HS3ST4: variants seen among roughly 807,000 people sequenced by gnomAD.
The protein encoded by HS3ST4 is heparan sulfate glucosamine 3-O-sulfotransferase 4.
Under a neutral mutation model 29.2 loss-of-function variants are expected in HS3ST4, and 17 were observed. The observed-to-expected ratio is 0.58, with a 90% CI of 0.40 to 0.87. The LOEUF (loss-of-function observed/expected upper bound fraction) is 0.87. HS3ST4 is among the 40% of genes least tolerant of loss of function. The pLI, the probability that HS3ST4 is intolerant of heterozygous loss-of-function variation, is 0.00. For missense variants in HS3ST4, 627 were observed against 634.5 expected, an observed-to-expected ratio of 0.99 and a Z score of 0.13; for synonymous variants, 314 against 285.7, an observed-to-expected ratio of 1.10 and a Z score of -1.00.
intron 1 of HS3ST4, among the ~76,000 whole-genome samples, chr16:25,991,493 AAT>A (rs990566775): frequency 9.9e-5 from 15 of 152,222 alleles, no homozygotes; most frequent in African/African-American, 3.6e-4. Context: ...CTCTTGAGGA[AAT>A]AGTGAGGATT....
At chr16:25,917,655 G>A (rs1968305968) in intron 1 of HS3ST4, among the ~76,000 whole-genome samples, 1 of 152,132 alleles carries the variant, frequency 6.6e-6, no homozygotes, top group African/African-American at 2.4e-5. Flanking sequence ...ATGAATTTGA[G>A]TATCCTTACA....
chr16:25,899,983 A>C (rs4477709), intron 1 of HS3ST4, among the ~76,000 whole-genome samples: 31,223 of 152,140 alleles, frequency 0.21, 3,419 homozygotes, highest in Admixed American at 0.27. Flanking sequence ...TGGGACCAGC[A>C]ACTTTCAAAT....
chr16:25,758,401 C>G (rs1286361458), intron 1 of HS3ST4, among the ~76,000 whole-genome samples: 1 of 152,156 alleles, frequency 6.6e-6, no homozygotes, highest in Non-Finnish European at 1.5e-5. Flanking sequence ...AACCCATTGT[C>G]AGGACTGTTG....
chr16:25,940,500 G>A (rs530142846), intron 1 of HS3ST4, among the ~76,000 whole-genome samples: 58 of 152,274 alleles, frequency 3.8e-4, no homozygotes, highest in African/African-American at 1.3e-3. Flanking sequence ...ACATGAGCAG[G>A]GATTTGCAGA....
intron 1 of HS3ST4, among the ~76,000 whole-genome samples, chr16:26,070,102 T>C (rs969470066): frequency 2.0e-5 from 3 of 152,196 alleles, no homozygotes; most frequent in Admixed American, 1.3e-4. Context: ...AAATGGTATT[T>C]CTAGTTCTAG....
rs1044073533 is a variant in HS3ST4, at chr16:26,032,536, A to G, written c.735-103076A>G. 7.7e-6 allele frequency: 11 copies of G among 1,430,568 alleles called. No individual in the cohort carries two copies. The African/African-American group carries it at 1.4e-4, about 18-fold the overall frequency. 88.6% of individuals were successfully genotyped at this position (1,430,568 alleles called of 1,614,324 possible). ...GTACACAGTTATCAAAAATGCACAC[A>G]CTTCACTTGGCATCTCCAGCACCTT... On this transcript the variant is annotated intron_variant, in intron 1 of 1. Coordinates refer to ENST00000331351, the MANE Select transcript of HS3ST4 (RefSeq NM_006040.3).
intron 1 of HS3ST4, among the ~76,000 whole-genome samples, chr16:26,076,164 G>A (rs56869192): frequency 0.22 from 33,003 of 152,108 alleles, 3,702 homozygotes; most frequent in South Asian, 0.26. Flanking sequence ...GCACTTGAAG[G>A]TACAGATGAT....
chr16:26,120,061 G>GTGTGTA (rs1555485120), intron 1 of HS3ST4, among the ~76,000 whole-genome samples: 5 of 77,216 alleles, frequency 6.5e-5, no homozygotes, highest in African/African-American at 9.6e-5. Flanking sequence ...AAGTGTGTGT[G>GTGTGTA]TGTGTGTGTA....
chr16:25,828,272 C>CT (rs1416304002), intron 1 of HS3ST4, among the ~76,000 whole-genome samples: 1 of 86,292 alleles, frequency 1.2e-5, no homozygotes, highest in Non-Finnish European at 2.3e-5. Context: ...TTCTTTCTTT[C>CT]TTTCTTTCTT....
chr16:25,748,767 C>T (rs1245179592), intron 1 of HS3ST4, among the ~76,000 whole-genome samples: 1 of 152,158 alleles, frequency 6.6e-6, no homozygotes, highest in East Asian at 1.9e-4. Context: ...TGGCTATTGC[C>T]TGACTTCTCA....
At chr16:25,972,094 T>C (rs188065157) in intron 1 of HS3ST4, among the ~76,000 whole-genome samples, 9 of 152,352 alleles carry the variant, frequency 5.9e-5, no homozygotes, top group Non-Finnish European at 1.0e-4. Flanking sequence ...AGTGGTTGTA[T>C]TAGCTATTGT....
At chr16:25,946,208 G>A (rs1023942819) in intron 1 of HS3ST4, among the ~76,000 whole-genome samples, 4 of 152,202 alleles carry the variant, frequency 2.6e-5, no homozygotes, top group South Asian at 2.1e-4. Context: ...ATTGCAGGAG[G>A]CTTTTGGATT....
chr16:26,068,978 G>A (rs958137434), intron 1 of HS3ST4, among the ~76,000 whole-genome samples: 1 of 152,154 alleles, frequency 6.6e-6, no homozygotes, highest in Admixed American at 6.5e-5. Flanking sequence ...TTGAGACGGG[G>A]TGTTGCTCTG....
At chr16:25,993,094 G>A (rs1360823834) in intron 1 of HS3ST4, among the ~76,000 whole-genome samples, 1 of 152,088 alleles carries the variant, frequency 6.6e-6, no homozygotes, top group Non-Finnish European at 1.5e-5. Context: ...AATCTAATTG[G>A]GAGTTCAGAC....
chr16:26,028,196 G>T (rs57233583), intron 1 of HS3ST4, among the ~76,000 whole-genome samples: 1 of 149,242 alleles, frequency 6.7e-6, no homozygotes, highest in Non-Finnish European at 1.5e-5. Flanking sequence ...TTGCTTGAAC[G>T]TGGGAAGCAG....
At chr16:25,947,327 A>G (rs574912505) in intron 1 of HS3ST4, among the ~76,000 whole-genome samples, 1 of 152,288 alleles carries the variant, frequency 6.6e-6, no homozygotes, top group African/African-American at 2.4e-5. Context: ...CAGCAAGTCT[A>G]ACAACTTGTT....
intron 1 of HS3ST4, chr16:26,032,840 A>C: frequency 6.4e-7 from 1 of 1,568,292 alleles, no homozygotes; most frequent in Non-Finnish European, 8.7e-7. Flanking sequence ...AGCAGGACGT[A>C]GGTGCTGGAC....
At chr16:25,754,415 T>G (rs1038615088) in intron 1 of HS3ST4, among the ~76,000 whole-genome samples, 3 of 151,428 alleles carry the variant, frequency 2.0e-5, no homozygotes, top group Non-Finnish European at 4.4e-5. Context: ...TGTCTGTGGA[T>G]TCATTCACCT....
At chr16:25,724,414 AGTG>A (rs1966518053) in intron 1 of HS3ST4, among the ~76,000 whole-genome samples, 1 of 147,114 alleles carries the variant, frequency 6.8e-6, no homozygotes, top group African/African-American at 2.5e-5. Context: ...CCCAAGCTGG[AGTG>A]TGATGGTACC....
Sources: allele counts gnomAD v4.1 joint callset (sites outside exome capture counted in the v4.1 genomes callset), GRCh38; gene constraint gnomAD v4.1.1; transcripts MANE v1.5; gene names NCBI Gene and HGNC (gene_info 2026-07-23, HGNC 2026-07-21).